The following RGS6 variants were observed in gnomAD, a reference collection of about 807,000 sequenced individuals.
RGS6 encodes regulator of G protein signaling 6.
RGS6 carries 30 observed loss-of-function variants against 78.5 expected under a neutral mutation model. The ratio of observed to expected loss-of-function variants is 0.38; its 90% CI spans 0.29 to 0.52. RGS6 has a LOEUF of 0.52. Among genes scored for constraint, RGS6 ranks in the 20% least tolerant of loss-of-function variants. The probability of loss-of-function intolerance (pLI) is 0.85; values close to 1 mark genes in which losing one functional copy is unlikely to be tolerated. For missense variants in RGS6, 495 were observed against 609.7 expected, an observed-to-expected ratio of 0.81 and a Z score of 1.98; for synonymous variants, 206 against 206.0, an observed-to-expected ratio of 1.00 and a Z score of 0.00.
chr14:72,571,248 G>A (rs1016130082), downstream of RGS6, among the ~76,000 whole-genome samples: 1 of 152,170 alleles, frequency 6.6e-6, no homozygotes, highest in East Asian at 1.9e-4. Context: ...TTATGGCAGG[G>A]CAAGGATTAA....
At chr14:72,467,999 GA>G (rs2095968814) in intron 7 of RGS6, among the ~76,000 whole-genome samples, 1 of 152,078 alleles carries the variant, frequency 6.6e-6, no homozygotes. Flanking sequence ...CAATGTTTTG[GA>G]AAAAGGTCCC....
chr14:72,288,838 A>C lies in RGS6; in HGVS notation c.85-63257A>C, dbSNP rs545144464. 2.6e-5 allele frequency among the ~76,000 whole-genome samples: 4 copies of C among 152,276 alleles called. No individual in the cohort carries two copies. In the East Asian group the frequency reaches 7.7e-4, roughly 29 times the overall value. ...ATGAATTTCTCACCCTGTCAGAAAC[A>C]TCTTATGTAGATTTTTTAAAGGGCA... On this transcript the variant is annotated intron_variant, in intron 2 of 17. Transcript: ENST00000553525.
intron 2 of RGS6, among the ~76,000 whole-genome samples, chr14:72,226,531 C>G (rs929333194): frequency 6.6e-6 from 1 of 152,162 alleles, no homozygotes; most frequent in Non-Finnish European, 1.5e-5. Context: ...AATTTTATAT[C>G]ATGCATATGC....
At chr14:71,874,055 T>G in the RGS6 span, among the ~76,000 whole-genome samples, 1 of 152,208 alleles carries the variant, frequency 6.6e-6, no homozygotes, top group Non-Finnish European at 1.5e-5. Context: ...CCTTGTAGTA[T>G]AGTTTGAAGT....
chr14:72,460,217 T>C (rs2095744015), intron 6 of RGS6, among the ~76,000 whole-genome samples: 1 of 152,216 alleles, frequency 6.6e-6, no homozygotes, highest in South Asian at 2.1e-4. Context: ...GAGTTCTGTC[T>C]CTCTAGACAG....
chr14:71,982,043 G>C (rs1233176555), intron 2 of RGS6, among the ~76,000 whole-genome samples: 1 of 152,220 alleles, frequency 6.6e-6, no homozygotes, highest in African/African-American at 2.4e-5. Context: ...GGAGTGACCC[G>C]ATTTTCCAGG....
chr14:72,181,458 T>C (rs944449795), intron 2 of RGS6, among the ~76,000 whole-genome samples: 1 of 152,248 alleles, frequency 6.6e-6, no homozygotes. Flanking sequence ...AATTGCTTGT[T>C]ACTTAAATGT....
intron 3 of RGS6, among the ~76,000 whole-genome samples, chr14:72,385,613 G>A (rs907244926): frequency 1.3e-5 from 2 of 152,180 alleles, no homozygotes; most frequent in African/African-American, 4.8e-5. Flanking sequence ...ATGACAGTGA[G>A]GGTGAGACTA....
chr14:71,956,115 G>A (rs1003979928), intron 1 of RGS6, among the ~76,000 whole-genome samples: 1 of 152,180 alleles, frequency 6.6e-6, no homozygotes, highest in African/African-American at 2.4e-5. Flanking sequence ...GGTTTGGCAG[G>A]CAGTGTTGAC....
intron 2 of RGS6, among the ~76,000 whole-genome samples, chr14:72,179,851 G>A (rs538437156): frequency 2.6e-5 from 4 of 152,070 alleles, no homozygotes; most frequent in Non-Finnish European, 5.9e-5. Context: ...AAATCCTGGA[G>A]GTGGGTCCAG....
At chr14:72,312,259 T>A (rs2068824328) in intron 2 of RGS6, among the ~76,000 whole-genome samples, 1 of 149,782 alleles carries the variant, frequency 6.7e-6, no homozygotes, top group Non-Finnish European at 1.5e-5. Flanking sequence ...TCAGCCCTAA[T>A]TTTCCCTGGC....
rs543621346 is a variant in RGS6, at chr14:72,206,715, A to G, written c.85-145380A>G. Among the ~76,000 whole-genome samples, 55 of 152,240 alleles carry G rather than the reference A, an allele frequency of 3.6e-4. No individual in the cohort carries two copies. In the South Asian group the frequency reaches 0.011, roughly 30 times the overall value. On this transcript the variant is annotated intron_variant, in intron 2 of 17. Coordinates refer to ENST00000553525, the MANE Select transcript of RGS6 (RefSeq NM_001204424.2). Reference sequence around the variant, plus strand: ...TTAGATCTCATGAGACTCATTCGCTATCATGAGAACAATGCAGGAAAGACC... The same window carrying G: ...TTAGATCTCATGAGACTCATTCGCTGTCATGAGAACAATGCAGGAAAGACC...
At chr14:72,258,821 T>C (rs1435573002) in intron 2 of RGS6, among the ~76,000 whole-genome samples, 1 of 152,076 alleles carries the variant, frequency 6.6e-6, no homozygotes, top group African/African-American at 2.4e-5. Context: ...TAAAAGTAGA[T>C]GAGGGATAAA....
At chr14:71,962,991 C>G (rs544417426) in intron 1 of RGS6, among the ~76,000 whole-genome samples, 1 of 152,260 alleles carries the variant, frequency 6.6e-6, no homozygotes, top group South Asian at 2.1e-4. Context: ...CCCAGGCAGC[C>G]TCTTAGATGA....
intron 3 of RGS6, among the ~76,000 whole-genome samples, chr14:72,363,998 C>CT (rs2081987619): frequency 3.1e-5 from 1 of 32,304 alleles, no homozygotes; most frequent in African/African-American, 3.0e-4. Context: ...GTGGACAAGG[C>CT]TAAAAAAAAA....
intron 2 of RGS6, among the ~76,000 whole-genome samples, chr14:72,310,176 A>T (rs2068226449): frequency 6.6e-6 from 1 of 152,022 alleles, no homozygotes; most frequent in South Asian, 2.1e-4. Context: ...CAGGTGCAGG[A>T]TCTAGTCGGG....
In RGS6 at chr14:72,088,273, C is replaced by A. The variant is rs540528932; in HGVS notation, c.84+123398C>A. ...AAATAAATGCATCACTCATTTGAAT[C>A]AGAGCTGCAAGTGCCATCTGTGATG... On this transcript the variant is annotated intron_variant, in intron 2 of 17. Transcript: ENST00000553525. Among the ~76,000 whole-genome samples, 19 of 152,310 alleles carry A rather than the reference C, an allele frequency of 1.2e-4. No homozygotes were observed. The South Asian group carries it at 1.9e-3, about 15-fold the overall frequency.
chr14:72,208,830 C>A (rs932466941), intron 2 of RGS6, among the ~76,000 whole-genome samples: 1 of 152,158 alleles, frequency 6.6e-6, no homozygotes, highest in South Asian at 2.1e-4. Flanking sequence ...TACATCATGT[C>A]TTTTAATCAG....
At chr14:72,465,942 G>C in intron 7 of RGS6, 120 bp downstream of exon 7, 1 of 688,968 alleles carries the variant, frequency 1.5e-6, no homozygotes, top group East Asian at 2.9e-5. Context: ...ACAGTGGAAG[G>C]GAAGTATCTT....
Sources: gnomAD v4.1 joint callset for allele counts (sites outside exome capture counted in the v4.1 genomes callset) on GRCh38, gnomAD v4.1.1 for gene constraint, MANE v1.5 for transcripts, NCBI Gene and HGNC (gene_info 2026-07-23, HGNC 2026-07-21) for gene names.